The following RIT2 variants were observed in gnomAD, a reference collection of about 807,000 sequenced individuals.
RIT2 encodes Ras like without CAAX 2, also known as GTP-binding protein Rit2.
A neutral mutation model predicts 23.7 loss-of-function variants in RIT2; 24 were observed. The ratio of observed to expected loss-of-function variants is 1.01; its 90% CI spans 0.73 to 1.43. The LOEUF is 1.43. Among genes scored for constraint, RIT2 ranks in the 40% most tolerant of loss-of-function variants. The probability of loss-of-function intolerance (pLI) is 0.00; values close to 1 mark genes in which losing one functional copy is unlikely to be tolerated. For missense variants in RIT2, 236 were observed against 266.9 expected, an observed-to-expected ratio of 0.88 and a Z score of 0.81; for synonymous variants, 107 against 91.1, an observed-to-expected ratio of 1.17 and a Z score of -0.99.
intron 4 of RIT2, among the ~76,000 whole-genome samples, chr18:42,854,194 G>C (rs995813199): frequency 6.6e-6 from 1 of 152,064 alleles, no homozygotes; most frequent in African/African-American, 2.4e-5. Flanking sequence ...AGTACAAAGT[G>C]GTGTAGTACA....
intron 4 of RIT2, among the ~76,000 whole-genome samples, chr18:42,867,098 A>G (rs756353170): frequency 3.3e-5 from 5 of 152,150 alleles, no homozygotes; most frequent in African/African-American, 1.2e-4. Context: ...CTTAATTGGG[A>G]GGGAGGCTTC....
At chr18:43,057,667 G>A (rs550730330) in intron 1 of RIT2, among the ~76,000 whole-genome samples, 1 of 151,640 alleles carries the variant, frequency 6.6e-6, no homozygotes. Context: ...ATGGCATTTA[G>A]TGTGGGTTTA....
intron 4 of RIT2, among the ~76,000 whole-genome samples, chr18:42,916,493 A>G (rs1159645654): frequency 6.6e-6 from 1 of 152,118 alleles, no homozygotes; most frequent in African/African-American, 2.4e-5. Flanking sequence ...TTCAAATTTA[A>G]TTTTGCAAAA....
At chr18:42,882,959 C>A (rs1182815137) in intron 4 of RIT2, among the ~76,000 whole-genome samples, 2 of 152,050 alleles carry the variant, frequency 1.3e-5, no homozygotes, top group African/African-American at 4.8e-5. Flanking sequence ...ATCATATATT[C>A]CCTTATACAT....
chr18:42,917,774 A>G (rs868762463), intron 4 of RIT2, among the ~76,000 whole-genome samples: 22 of 152,086 alleles, frequency 1.4e-4, no homozygotes, highest in South Asian at 1.2e-3. Context: ...GCTAAATCCA[A>G]TTGTGAAGAT....
chr18:43,104,545 T>C (rs1010542750), intron 1 of RIT2, among the ~76,000 whole-genome samples: 2 of 152,138 alleles, frequency 1.3e-5, no homozygotes, highest in African/African-American at 4.8e-5. Context: ...CATATGATTA[T>C]TACTTGTCAA....
chr18:43,015,793 A>G (rs1322703478), intron 2 of RIT2, among the ~76,000 whole-genome samples: 1 of 151,746 alleles, frequency 6.6e-6, no homozygotes, highest in Non-Finnish European at 1.5e-5. Flanking sequence ...GCTTCCCCCA[A>G]AAAGGGCATA....
chr18:42,887,636 G>A (rs1908058268), intron 4 of RIT2, among the ~76,000 whole-genome samples: 1 of 152,136 alleles, frequency 6.6e-6, no homozygotes. Context: ...CTCTTGTCAT[G>A]CAACCCAGCA....
rs554730351 is a variant in RIT2, at chr18:43,060,451, A to T, written c.104-26584T>A. ...AGAATAATCCAGCAGATAAAATTGCACTTACAGTTAAAAGCCCAAATGGTC... is the reference window on the plus strand; with the variant it reads ...AGAATAATCCAGCAGATAAAATTGCTCTTACAGTTAAAAGCCCAAATGGTC... On this transcript the variant is annotated intron_variant, in intron 1 of 4. Coordinates refer to ENST00000326695, the MANE Select transcript of RIT2 (RefSeq NM_002930.4). Among the ~76,000 whole-genome samples, 6 of 152,272 alleles carry T rather than the reference A, an allele frequency of 3.9e-5. No homozygotes were observed. The South Asian group carries it at 1.0e-3, about 26-fold the overall frequency.
intron 3 of RIT2, among the ~76,000 whole-genome samples, chr18:42,954,674 A>T (rs943519266): frequency 7.9e-5 from 12 of 152,032 alleles, no homozygotes; most frequent in Admixed American, 2.6e-4. Flanking sequence ...TTATTTTTTT[A>T]AATTTTTTAA....
intron 1 of RIT2, among the ~76,000 whole-genome samples, chr18:43,099,124 G>A (rs1913623416): frequency 6.6e-6 from 1 of 152,036 alleles, no homozygotes; most frequent in African/African-American, 2.4e-5. Context: ...GATCAGCTTT[G>A]ATGCTTTGGT....
At chr18:43,095,717 C>T (rs1039868516) in intron 1 of RIT2, among the ~76,000 whole-genome samples, 1 of 151,898 alleles carries the variant, frequency 6.6e-6, no homozygotes, top group African/African-American at 2.4e-5. Context: ...TAACTGCACT[C>T]GCTGATTTGA....
intron 4 of RIT2, among the ~76,000 whole-genome samples, chr18:42,749,387 A>G (rs1912993452): frequency 6.6e-6 from 1 of 151,832 alleles, no homozygotes; most frequent in African/African-American, 2.4e-5. Flanking sequence ...CTCAAATTTA[A>G]TGATCAAAAT....
intron 4 of RIT2, among the ~76,000 whole-genome samples, chr18:42,759,275 A>G (rs1913240337): frequency 6.6e-6 from 1 of 152,160 alleles, no homozygotes; most frequent in Admixed American, 6.5e-5. Flanking sequence ...CCTCCATAAA[A>G]TGACCATTTC....
At chr18:42,750,410 A>T (rs1365105956) in intron 4 of RIT2, among the ~76,000 whole-genome samples, 2 of 151,854 alleles carry the variant, frequency 1.3e-5, no homozygotes, top group East Asian at 3.9e-4. Context: ...GAAGCTCTAT[A>T]CTTATAATTT....
intron 4 of RIT2, among the ~76,000 whole-genome samples, chr18:42,858,836 G>A (rs541011920): frequency 6.6e-6 from 1 of 152,134 alleles, no homozygotes. Flanking sequence ...ATTGTTTCAT[G>A]TAGCATAATG....
chr18:42,877,375 A>G (rs956008833), intron 4 of RIT2, among the ~76,000 whole-genome samples: 25 of 151,542 alleles, frequency 1.6e-4, no homozygotes, highest in Non-Finnish European at 3.5e-4. Flanking sequence ...CTATGAGGGT[A>G]ACTTTGTTTT....
At chr18:42,776,399 C>T (rs746420482) in intron 4 of RIT2, among the ~76,000 whole-genome samples, 7 of 152,096 alleles carry the variant, frequency 4.6e-5, no homozygotes, top group African/African-American at 1.2e-4. Flanking sequence ...TAGACTTACA[C>T]ATAAAAGGGT....
At chr18:42,760,966 T>A (rs2143899563) in intron 4 of RIT2, among the ~76,000 whole-genome samples, 1 of 152,274 alleles carries the variant, frequency 6.6e-6, no homozygotes, top group Admixed American at 6.5e-5. Context: ...GTCCTCAGAG[T>A]GGTGGATTCT....
Sources: allele counts gnomAD v4.1 joint callset (sites outside exome capture counted in the v4.1 genomes callset), GRCh38; gene constraint gnomAD v4.1.1; transcripts MANE v1.5; gene names NCBI Gene and HGNC (gene_info 2026-07-23, HGNC 2026-07-21).